The following ANKRD11 variants were observed in gnomAD, a reference collection of about 807,000 sequenced individuals.
ANKRD11 encodes ankyrin repeat domain-containing protein 11.
Under a neutral mutation model 195.7 loss-of-function variants are expected in ANKRD11, and 17 were observed. The ratio of observed to expected loss-of-function variants is 0.09; its 90% CI spans 0.06 to 0.13. The LOEUF is 0.13. Ranked by LOEUF, ANKRD11 falls within the 10% of genes least tolerant of loss-of-function variation. The pLI is 1.00. For missense variants in ANKRD11, 3,735 were observed against 3,566.1 expected (o/e 1.05, Z -1.21); for synonymous variants, 1,953 against 1,528.1 (o/e 1.28, Z -6.49).
intron 1 of ANKRD11, among the ~76,000 whole-genome samples, chr16:89,447,856 G>C (rs954385005): frequency 6.8e-6 from 1 of 147,650 alleles, no homozygotes; most frequent in African/African-American, 2.5e-5. Context: ...CCAAGCTGGA[G>C]TGCACTGGCA....
chr16:89,330,376 G>A (rs1471593968), intron 2 of ANKRD11, among the ~76,000 whole-genome samples: 2 of 152,108 alleles, frequency 1.3e-5, no homozygotes, highest in Non-Finnish European at 2.9e-5. Context: ...CAGTGGAGAG[G>A]GAGGGGCTGC....
chr16:89,324,036 G>A, intron 2 of ANKRD11: 1 of 217,386 alleles, frequency 4.6e-6, no homozygotes, highest in African/African-American at 2.4e-5. Context: ...ATTTTTGGTA[G>A]AGACAGGGTT....
intron 2 of ANKRD11, among the ~76,000 whole-genome samples, chr16:89,394,117 A>G (rs1386586476): frequency 6.6e-6 from 1 of 152,128 alleles, no homozygotes. Flanking sequence ...CCCAGGTTCC[A>G]GGCAGGCTTC....
intron 1 of ANKRD11, among the ~76,000 whole-genome samples, chr16:89,470,862 G>A (rs1044370313): frequency 1.3e-4 from 20 of 152,114 alleles, no homozygotes; most frequent in Non-Finnish European, 2.5e-4. Flanking sequence ...GCACGGTGGC[G>A]GACATTTGTA....
At chr16:89,304,401 T>C (rs1413415859) in intron 4 of ANKRD11, among the ~76,000 whole-genome samples, 3 of 147,168 alleles carry the variant, frequency 2.0e-5, no homozygotes, top group African/African-American at 7.6e-5. Context: ...CACATGGGCA[T>C]ACACACATGA....
chr16:89,414,895 C>A (rs1388760472), intron 2 of ANKRD11, among the ~76,000 whole-genome samples: 4 of 152,206 alleles, frequency 2.6e-5, no homozygotes, highest in Admixed American at 6.6e-5. Flanking sequence ...AAGTGAAACA[C>A]GGGAATGACA....
At chr16:89,290,955 G>C in intron 5 of ANKRD11, 58 bp downstream of exon 5, 2 of 1,610,274 alleles carry the variant, frequency 1.2e-6, no homozygotes, top group Non-Finnish European at 1.7e-6. Context: ...CAGCCATGAG[G>C]CTGCGACCAG....
intron 3 of ANKRD11, among the ~76,000 whole-genome samples, chr16:89,308,260 A>T (rs1221552805): frequency 6.6e-6 from 1 of 152,264 alleles, no homozygotes; most frequent in Non-Finnish European, 1.5e-5. Context: ...AAGCAATGTA[A>T]TTCACCACAT....
At chr16:89,402,823 G>A (rs2041754411) in intron 2 of ANKRD11, among the ~76,000 whole-genome samples, 1 of 147,010 alleles carries the variant, frequency 6.8e-6, no homozygotes, top group Non-Finnish European at 1.5e-5. Context: ...GAGGTTGGGG[G>A]GGCGGCACTG....
At chr16:89,329,290 G>A (rs1022351088) in intron 2 of ANKRD11, among the ~76,000 whole-genome samples, 5 of 152,206 alleles carry the variant, frequency 3.3e-5, no homozygotes, top group African/African-American at 1.2e-4. Context: ...CGGTCACCCT[G>A]TCTTCCAATG....
intron 9 of ANKRD11, chr16:89,278,842 G>C: frequency 1.4e-6 from 1 of 736,832 alleles, no homozygotes; most frequent in Admixed American, 2.0e-5. Flanking sequence ...AGGAGACCGA[G>C]GCCTGGCACG....
intron 2 of ANKRD11, among the ~76,000 whole-genome samples, chr16:89,402,994 A>T (rs1272950748): frequency 6.6e-6 from 1 of 152,182 alleles, no homozygotes; most frequent in Non-Finnish European, 1.5e-5. Flanking sequence ...GAGCAAGGCC[A>T]GTCACCTCAG....
At chr16:89,294,704 TG>T (rs2035299715) in intron 4 of ANKRD11, among the ~76,000 whole-genome samples, 1 of 152,176 alleles carries the variant, frequency 6.6e-6, no homozygotes, top group African/African-American at 2.4e-5. Flanking sequence ...GTCCTTGACG[TG>T]CACACACACA....
At chr16:89,389,138 C>T (rs2152120926) in intron 2 of ANKRD11, among the ~76,000 whole-genome samples, 1 of 152,182 alleles carries the variant, frequency 6.6e-6, no homozygotes, top group African/African-American at 2.4e-5. Flanking sequence ...CCCACCTCAG[C>T]CTTCTGAGTG....
intron 2 of ANKRD11, among the ~76,000 whole-genome samples, chr16:89,379,148 C>T (rs1049397569): frequency 9.2e-5 from 14 of 152,350 alleles, no homozygotes; most frequent in Middle Eastern, 3.4e-3. Context: ...TGGGGCCGGC[C>T]CCCATGCCTG....
At chr16:89,382,461 G>T (rs1236863070) in intron 2 of ANKRD11, among the ~76,000 whole-genome samples, 1 of 152,018 alleles carries the variant, frequency 6.6e-6, no homozygotes, top group Admixed American at 6.6e-5. Flanking sequence ...GAATAGCTGG[G>T]ATCACAGGTG....
At chr16:89,449,164 A>G (rs1210114042) in intron 1 of ANKRD11, among the ~76,000 whole-genome samples, 1 of 150,516 alleles carries the variant, frequency 6.6e-6, no homozygotes, top group African/African-American at 2.5e-5. Flanking sequence ...CTGCCTAACC[A>G]ACACAGTGAA....
At chr16:89,373,809 G>A (rs1385695389) in intron 2 of ANKRD11, among the ~76,000 whole-genome samples, 4 of 152,236 alleles carry the variant, frequency 2.6e-5, no homozygotes, top group African/African-American at 9.6e-5. Context: ...ACAGACGCCT[G>A]TGTAGGGTTA....
intron 1 of ANKRD11, among the ~76,000 whole-genome samples, chr16:89,423,693 G>C (rs894666128): frequency 5.9e-5 from 9 of 152,202 alleles, no homozygotes; most frequent in African/African-American, 1.9e-4. Context: ...GTTGTTCACA[G>C]CTGTTTTATT....
Sources: gnomAD v4.1 joint callset for allele counts (sites outside exome capture counted in the v4.1 genomes callset) on GRCh38, gnomAD v4.1.1 for gene constraint, MANE v1.5 for transcripts, NCBI Gene and HGNC (gene_info 2026-07-23, HGNC 2026-07-21) for gene names.